The following SIMC1 variants were observed in gnomAD, a reference collection of about 807,000 sequenced individuals.
The protein encoded by SIMC1 is SUMO-interacting motif-containing protein 1.
A neutral mutation model predicts 82.3 loss-of-function variants in SIMC1; 55 were observed. The ratio of observed to expected loss-of-function variants is 0.67; its 90% CI spans 0.54 to 0.84. SIMC1 has a LOEUF of 0.84. Among genes scored for constraint, SIMC1 ranks in the 40% least tolerant of loss-of-function variants. The pLI, the probability that SIMC1 is intolerant of heterozygous loss-of-function variation, is 0.00. For missense variants in SIMC1, 915 were observed against 1,107.2 expected (o/e 0.83, Z 2.46); for synonymous variants, 353 against 426.3 (o/e 0.83, Z 2.12).
At chr5:176,272,048 G>C (rs1762459752) in intron 1 of SIMC1, among the ~76,000 whole-genome samples, 1 of 143,658 alleles carries the variant, frequency 7.0e-6, no homozygotes. Context: ...ATAAAAATTA[G>C]AAAAAAAACA....
At chr5:176,256,949 G>T (rs890246608) in intron 1 of SIMC1, among the ~76,000 whole-genome samples, 2 of 152,076 alleles carry the variant, frequency 1.3e-5, no homozygotes, top group African/African-American at 4.8e-5. Flanking sequence ...TAGAGACAGG[G>T]TCTCACTATG....
At chr5:176,343,164 G>A (rs1395713647) in intron 9 of SIMC1, among the ~76,000 whole-genome samples, 1 of 152,188 alleles carries the variant, frequency 6.6e-6, no homozygotes, top group Non-Finnish European at 1.5e-5. Flanking sequence ...CATATTGAAT[G>A]TATTACTTGA....
At chr5:176,253,462 C>A (rs534572811) in intron 1 of SIMC1, among the ~76,000 whole-genome samples, 10 of 152,238 alleles carry the variant, frequency 6.6e-5, no homozygotes. Flanking sequence ...GATCCACCCG[C>A]CTCAGCCTCC....
At chr5:176,294,682 G>A (rs1156659462) in intron 2 of SIMC1, among the ~76,000 whole-genome samples, 3 of 151,498 alleles carry the variant, frequency 2.0e-5, no homozygotes, top group African/African-American at 7.3e-5. Context: ...AGAAATCCCG[G>A]CTCGGCGCCG....
chr5:176,280,073 G>C (rs1020781327), intron 1 of SIMC1, among the ~76,000 whole-genome samples: 4 of 152,104 alleles, frequency 2.6e-5, no homozygotes, highest in Non-Finnish European at 5.9e-5. Context: ...TGACAGTGGG[G>C]TGTTAAAGTC....
In SIMC1 at chr5:176,290,751, T is replaced by C. The variant is rs1763521889; in HGVS notation, c.1227T>C (p.Pro409=). The part of the protein sequence containing the change: ...PQSETPLEKV[P]WLSVMETPAR... ...CTGAAACTCCCTTAGAGAAAGTTCC[T>C]TGGCTCTCTGTCATGGAAACCCCAG... is the stretch of plus-strand genomic sequence containing the variant. The change falls in exon 2 of 10, where the codon CCT becomes CCC. Residue 409 remains proline (P), a synonymous_variant. Transcript: ENST00000429602. The C allele has an allele frequency of 1.2e-6, 2 of 1,613,274 alleles. No homozygotes were observed. Among genetic ancestry groups the C allele is most frequent in the South Asian group, 1.1e-5 (1 of 90,984 alleles).
chr5:176,312,760 T>C (rs1434862132), intron 4 of SIMC1, among the ~76,000 whole-genome samples: 1 of 152,184 alleles, frequency 6.6e-6, no homozygotes, highest in Non-Finnish European at 1.5e-5. Flanking sequence ...TGAGAAAATA[T>C]ACCTATTCTC....
intron 1 of SIMC1, among the ~76,000 whole-genome samples, chr5:176,258,088 C>T (rs1761905716): frequency 6.6e-6 from 1 of 152,104 alleles, no homozygotes; most frequent in South Asian, 2.1e-4. Flanking sequence ...ATGAGATTTG[C>T]TTCTTGGTGA....
chr5:176,290,354 G>A lies in SIMC1; in HGVS notation c.830G>A (p.Gly277Asp), dbSNP rs1191845148. ...EVPCPRQNIP[G>D]PPQDSLGLPQ... Reference sequence around the variant, plus strand: ...CCATGCCCTCGGCAGAATATCCCAGGCCCACCTCAAGACTCTCTGGGCCTA... The same window carrying A: ...CCATGCCCTCGGCAGAATATCCCAGACCCACCTCAAGACTCTCTGGGCCTA... The change falls in exon 2 of 10, where the codon GGC (glycine) becomes GAC (aspartate). Residue 277 changes from glycine (G) to aspartate (D), a missense_variant. Around this residue, in one of 2 missense-constraint regions of SIMC1, gnomAD observed 902 missense variants for 1,040.3 expected, o/e 0.87. Transcript: ENST00000429602. 6.2e-7 allele frequency: 1 copy of A among 1,613,880 alleles called. No homozygotes were observed. The highest frequency in any genetic ancestry group is 8.5e-7 in the Non-Finnish European group (1 of 1,179,872).
intron 4 of SIMC1, among the ~76,000 whole-genome samples, chr5:176,310,968 C>CCACA (rs1764640596): frequency 1.3e-5 from 2 of 151,988 alleles, no homozygotes; most frequent in African/African-American, 4.8e-5. Flanking sequence ...GTGAAAGAAA[C>CCACA]CACACACAAA....
intron 9 of SIMC1, among the ~76,000 whole-genome samples, chr5:176,338,655 A>AG (rs1198018038): frequency 1.3e-5 from 2 of 152,130 alleles, no homozygotes; most frequent in Non-Finnish European, 2.9e-5. Flanking sequence ...CCAAATAGTG[A>AG]GGGAAAAAAG....
At chr5:176,331,883 C>T (rs531273029) in intron 7 of SIMC1, among the ~76,000 whole-genome samples, 4 of 151,764 alleles carry the variant, frequency 2.6e-5, no homozygotes, top group East Asian at 2.0e-4. Flanking sequence ...GCAGGAGAAT[C>T]GCTTGAACCC....
chr5:176,286,486 T>A (rs1376723435), intron 1 of SIMC1, among the ~76,000 whole-genome samples: 7 of 152,100 alleles, frequency 4.6e-5, no homozygotes, highest in Admixed American at 4.6e-4. Flanking sequence ...AAAAATTAAT[T>A]CAAGATGGAT....
rs1391056631 is a variant in SIMC1, at chr5:176,336,840, CT to C, written c.2295del (p.Leu766Ter). On this transcript the variant is annotated frameshift_variant, in exon 8 of 10. Transcript: ENST00000429602. LOFTEE classifies it high-confidence loss of function. The stretch of plus-strand genomic sequence containing the variant: ...CTCTGTCTCTGGCCCAGGCCCTCTA[CT>C]TTCTGAATAATTCTACGTCACTGCT... ...LPLSLAQALYFLNNSTSLLKC... is the reference protein window; with the variant it reads ...LPLSLAQALYXLNNSTSLLKC... The C allele has an allele frequency of 1.2e-6, 2 of 1,614,010 alleles. No homozygotes were observed. The highest frequency in any genetic ancestry group is 1.7e-6 in the Non-Finnish European group (2 of 1,179,896).
intron 3 of SIMC1, 92 bp downstream of exon 3, chr5:176,295,354 C>T (rs1763769264): frequency 4.7e-6 from 7 of 1,476,432 alleles, no homozygotes; most frequent in East Asian, 5.0e-5. Flanking sequence ...TTAACCTAAC[C>T]GTTACAGTGG....
chr5:176,345,546 C>A lies in SIMC1; in HGVS notation c.*101C>A. The A allele has an allele frequency of 1.5e-6, 2 of 1,311,406 alleles. No individual in the cohort carries two copies. Among genetic ancestry groups the A allele is most frequent in the Non-Finnish European group, 2.1e-6 (2 of 971,774 alleles). The allele number at this position is 1,311,406 out of a possible 1,614,324, so 81.2% of individuals were successfully genotyped here. On this transcript the variant is annotated 3_prime_UTR_variant, in exon 10 of 10. Coordinates refer to ENST00000429602, the MANE Select transcript of SIMC1 (RefSeq NM_001308195.2). ...AAAAGTGGTTAAAATCTTACAGGAC[C>A]AAACCTGCATTATTTAATCAGTAGG...
At chr5:176,311,040 C>T (rs1435691562) in intron 4 of SIMC1, among the ~76,000 whole-genome samples, 1 of 152,100 alleles carries the variant, frequency 6.6e-6, no homozygotes, top group African/African-American at 2.4e-5. Flanking sequence ...TCTAGAGAGA[C>T]AGAAAGCAGA....
intron 1 of SIMC1, among the ~76,000 whole-genome samples, chr5:176,281,329 C>T (rs1489121096): frequency 2.6e-5 from 4 of 152,250 alleles, no homozygotes; most frequent in Non-Finnish European, 4.4e-5. Flanking sequence ...GTTATACATT[C>T]GTCTAAATTT....
intron 2 of SIMC1, among the ~76,000 whole-genome samples, chr5:176,292,006 A>C (rs1763597118): frequency 6.6e-6 from 1 of 152,140 alleles, no homozygotes; most frequent in Admixed American, 6.5e-5. Flanking sequence ...CAGTGAGCTG[A>C]GACTGCACCA....
Sources: gnomAD v4.1 joint callset for allele counts (sites outside exome capture counted in the v4.1 genomes callset) on GRCh38, gnomAD v4.1.1 for gene constraint, gnomAD v4.1.1 regional missense constraint, MANE v1.5 for transcripts, NCBI Gene and HGNC (gene_info 2026-07-23, HGNC 2026-07-21) for gene names.